The following PXDNL variants were observed in gnomAD, a reference collection of about 807,000 sequenced individuals.
PXDNL encodes peroxidasin like.
In PXDNL, 145 loss-of-function variants were observed where a neutral mutation model predicts 150.8. The ratio of observed to expected loss-of-function variants is 0.96; its 90% CI spans 0.84 to 1.10. The LOEUF (loss-of-function observed/expected upper bound fraction) is 1.10, where lower values mean the gene tolerates loss of function less well. Among genes scored for constraint, PXDNL ranks in the 50% least tolerant of loss-of-function variants. The probability of loss-of-function intolerance (pLI) is 0.00; values close to 1 mark genes in which losing one functional copy is unlikely to be tolerated. For synonymous variants in PXDNL, 757 were observed against 725.7 expected, an observed-to-expected ratio of 1.04 and a Z score of -0.69; for missense variants, 2,087 against 1,873.9, an observed-to-expected ratio of 1.11 and a Z score of -2.10.
At chr8:51,560,266 C>T (rs1272587432) in intron 3 of PXDNL, among the ~76,000 whole-genome samples, 1 of 151,860 alleles carries the variant, frequency 6.6e-6, no homozygotes, top group Non-Finnish European at 1.5e-5. Flanking sequence ...TTAATACAAT[C>T]CCTATCAGCA....
chr8:51,758,003 T>C (rs189744434), intron 1 of PXDNL, among the ~76,000 whole-genome samples: 34 of 152,288 alleles, frequency 2.2e-4, no homozygotes, highest in African/African-American at 7.9e-4. Flanking sequence ...AACATATTTT[T>C]CATGTACTTT....
rs115807196 is a variant in PXDNL, at chr8:51,745,915, C to T, written c.164+63266G>A. On this transcript the variant is annotated intron_variant, in intron 1 of 22. Coordinates refer to ENST00000356297, the MANE Select transcript of PXDNL (RefSeq NM_144651.5). ...CTCCCGAGTAGCTGGGATTACAGCA[C>T]GCTCAGCTAATTTTTGTACTTTTAG... 4.0e-3 allele frequency among the ~76,000 whole-genome samples: 615 copies of T among 152,058 alleles called. 3 individuals carry two copies. Among genetic ancestry groups the T allele is most frequent in the African/African-American group, 0.014 (572 of 41,510 alleles).
intron 1 of PXDNL, among the ~76,000 whole-genome samples, chr8:51,745,554 C>T (rs1036719869): frequency 4.6e-5 from 7 of 152,276 alleles, no homozygotes; most frequent in African/African-American, 1.7e-4. Flanking sequence ...TTTCAGGCTA[C>T]CTGATCTAAA....
chr8:51,320,100 A>C (rs558722115), intron 22 of PXDNL, 78 bp from the exon 23 acceptor site: 1 of 1,171,130 alleles, frequency 8.5e-7, no homozygotes, highest in Non-Finnish European at 1.1e-6. Flanking sequence ...TGTTTCTTAT[A>C]ATACATAATC....
chr8:51,801,425 G>A (rs2037619440), intron 1 of PXDNL, among the ~76,000 whole-genome samples: 1 of 151,714 alleles, frequency 6.6e-6, no homozygotes, highest in Admixed American at 6.6e-5. Flanking sequence ...GCCCTTTAAA[G>A]CTTGTGATCT....
chr8:51,782,520 C>T (rs540035613), intron 1 of PXDNL, among the ~76,000 whole-genome samples: 6 of 152,332 alleles, frequency 3.9e-5, no homozygotes, highest in South Asian at 4.2e-4. Context: ...CATCTTCTGC[C>T]TAATTATTGC....
intron 4 of PXDNL, among the ~76,000 whole-genome samples, chr8:51,536,951 C>T (rs377594281): frequency 1.2e-4 from 18 of 152,308 alleles, no homozygotes; most frequent in African/African-American, 4.3e-4. Context: ...CCAAACCTAA[C>T]GTGCTTATTG....
At chr8:51,543,568 C>T (rs1054521295) in intron 4 of PXDNL, among the ~76,000 whole-genome samples, 10 of 151,794 alleles carry the variant, frequency 6.6e-5, no homozygotes, top group South Asian at 2.1e-4. Flanking sequence ...AAAAATTTGC[C>T]GGGCATGGTG....
At chr8:51,325,489 C>G (rs142010072) in intron 21 of PXDNL, among the ~76,000 whole-genome samples, 567 of 152,294 alleles carry the variant, frequency 3.7e-3, no homozygotes, top group Non-Finnish European at 6.9e-3. Context: ...CCCTGTCAGG[C>G]CACCTCATAA....
intron 21 of PXDNL, among the ~76,000 whole-genome samples, chr8:51,324,088 T>C (rs1377035452): frequency 6.6e-6 from 1 of 152,184 alleles, no homozygotes; most frequent in Non-Finnish European, 1.5e-5. Flanking sequence ...TCATTGTTAG[T>C]ATACAGAAAT....
intron 4 of PXDNL, among the ~76,000 whole-genome samples, chr8:51,522,722 T>C (rs1300336878): frequency 1.3e-5 from 2 of 152,134 alleles, no homozygotes; most frequent in Non-Finnish European, 2.9e-5. Context: ...TGCATGCCTG[T>C]AATCCCAGCT....
intron 17 of PXDNL, among the ~76,000 whole-genome samples, chr8:51,377,487 C>T (rs1172107901): frequency 6.6e-6 from 1 of 152,192 alleles, no homozygotes; most frequent in Non-Finnish European, 1.5e-5. Flanking sequence ...AGGCCGGAGC[C>T]GGCTCCCTCA....
chr8:51,382,217 A>C (rs1740008071), intron 17 of PXDNL, among the ~76,000 whole-genome samples: 2 of 152,134 alleles, frequency 1.3e-5, no homozygotes, highest in African/African-American at 2.4e-5. Flanking sequence ...GCAGGGACTG[A>C]GGCACTGCAG....
intron 2 of PXDNL, among the ~76,000 whole-genome samples, chr8:51,637,227 C>A (rs1814624590): frequency 6.6e-6 from 1 of 152,004 alleles, no homozygotes; most frequent in Non-Finnish European, 1.5e-5. Context: ...GTAGATAAAA[C>A]CATAAAACCA....
At chr8:51,502,460 C>G (rs1811206972) in intron 4 of PXDNL, among the ~76,000 whole-genome samples, 1 of 152,188 alleles carries the variant, frequency 6.6e-6, no homozygotes, top group Admixed American at 6.5e-5. Context: ...TCTCTACACT[C>G]CTGTTCTCAG....
chr8:51,325,750 C>T (rs376547747), intron 21 of PXDNL, among the ~76,000 whole-genome samples: 1 of 152,162 alleles, frequency 6.6e-6, no homozygotes, highest in Admixed American at 6.5e-5. Context: ...GCATGATGAC[C>T]CCCTAGTTTC....
chr8:51,323,940 T>TA (rs1805406242), intron 21 of PXDNL, among the ~76,000 whole-genome samples: 2 of 125,610 alleles, frequency 1.6e-5, no homozygotes, highest in African/African-American at 7.7e-5. Flanking sequence ...TAAAATAAAA[T>TA]AAAAAAATAA....
chr8:51,782,336 A>T (rs1400075488), intron 1 of PXDNL, among the ~76,000 whole-genome samples: 1 of 152,166 alleles, frequency 6.6e-6, no homozygotes, highest in Non-Finnish European at 1.5e-5. Flanking sequence ...AAGAGGGTCA[A>T]AGAATCAGCC....
intron 1 of PXDNL, among the ~76,000 whole-genome samples, chr8:51,725,551 T>C (rs771739768): frequency 6.6e-6 from 1 of 152,208 alleles, no homozygotes; most frequent in Non-Finnish European, 1.5e-5. Context: ...GAGTGTTCTC[T>C]TTCCTTCCCG....
Sources: gnomAD v4.1 joint callset for allele counts (sites outside exome capture counted in the v4.1 genomes callset) on GRCh38, gnomAD v4.1.1 for gene constraint, MANE v1.5 for transcripts, NCBI Gene and HGNC (gene_info 2026-07-23, HGNC 2026-07-21) for gene names.